The following ESRRG variants were observed in gnomAD, a reference collection of about 807,000 sequenced individuals.
ESRRG encodes estrogen related receptor gamma.
In ESRRG, 13 loss-of-function variants were observed where a neutral mutation model predicts 44.0. The observed-to-expected ratio is 0.30, with a 90% CI of 0.19 to 0.47. The LOEUF is 0.47. Ranked by LOEUF, ESRRG falls within the 20% of genes least tolerant of loss-of-function variation. The pLI is 1.00. For missense variants in ESRRG, 395 were observed against 580.6 expected (o/e 0.68, Z 3.29); for synonymous variants, 215 against 214.6 (o/e 1.00, Z -0.02).
chr1:216,789,424 T>C (rs1404514143), intron 2 of ESRRG, among the ~76,000 whole-genome samples: 1 of 152,154 alleles, frequency 6.6e-6, no homozygotes, highest in Non-Finnish European at 1.5e-5. Context: ...ACTTAAGGCA[T>C]GGATGTTACC....
Position 216,950,124 on chromosome 1 carries a change from T to A in ESRRG, c.-105-10451A>T, listed in dbSNP as rs551195373. 2.0e-5 allele frequency among the ~76,000 whole-genome samples: 3 copies of A among 152,340 alleles called. No individual in the cohort carries two copies. In the South Asian group the frequency reaches 6.2e-4, roughly 32 times the overall value. On this transcript the variant is annotated intron_variant, in intron 1 of 7. Coordinates refer to the ESRRG transcript ENST00000359162. ...CACCACACCCAGCCCTTACTTCTTT[T>A]GAGTTACTTCAGCAAAATGAGGTAT...
At chr1:216,714,996 T>A in intron 1 of ESRRG, 1 of 747,530 alleles carries the variant, frequency 1.3e-6, no homozygotes, top group Non-Finnish European at 1.6e-6. Flanking sequence ...CTTCTGTGCA[T>A]AAATTGTCCA....
chr1:216,590,552 T>C (rs2057473382), intron 3 of ESRRG, among the ~76,000 whole-genome samples: 1 of 152,180 alleles, frequency 6.6e-6, no homozygotes, highest in Non-Finnish European at 1.5e-5. Context: ...TCTACTGAAA[T>C]CTTACACCCT....
chr1:217,023,981 G>A (rs768297703), intron 1 of ESRRG, among the ~76,000 whole-genome samples: 7 of 152,178 alleles, frequency 4.6e-5, no homozygotes, highest in African/African-American at 7.2e-5. Context: ...TCAAGATATC[G>A]TAAACCTAAA....
Position 216,892,268 on chromosome 1 carries a change from T to C in ESRRG, c.-14+47314A>G, listed in dbSNP as rs140099024. Among the ~76,000 whole-genome samples, 503 of 152,326 alleles carry C rather than the reference T, an allele frequency of 3.3e-3. 4 individuals carry two copies. Among genetic ancestry groups the C allele is most frequent in the Middle Eastern group, 0.01 (3 of 294 alleles). On this transcript the variant is annotated intron_variant, in intron 2 of 7. Transcript: ENST00000359162. Reference sequence around the variant, plus strand: ...AAACTCTGATCTTAGAATATGATACTTTAGGGGCAAATATATCAGGCATGC... The same window carrying C: ...AAACTCTGATCTTAGAATATGATACCTTAGGGGCAAATATATCAGGCATGC...
chr1:216,540,270 G>A (rs951566838), intron 5 of ESRRG, among the ~76,000 whole-genome samples: 6 of 151,874 alleles, frequency 4.0e-5, no homozygotes, highest in East Asian at 1.9e-4. Flanking sequence ...GTAAACTTCC[G>A]TACTCTATGC....
At chr1:216,812,047 C>A (rs1012344628) in intron 2 of ESRRG, among the ~76,000 whole-genome samples, 33 of 152,206 alleles carry the variant, frequency 2.2e-4, no homozygotes, top group Non-Finnish European at 3.7e-4. Context: ...TACTGTTTAT[C>A]CATTATATGA....
intron 5 of ESRRG, among the ~76,000 whole-genome samples, chr1:216,547,500 CAATT>C (rs55675032): frequency 0.29 from 43,807 of 151,816 alleles, 7,265 homozygotes; most frequent in Admixed American, 0.39. Flanking sequence ...CTCCCAGGTA[CAATT>C]AATTGTCCAG....
intron 2 of ESRRG, among the ~76,000 whole-genome samples, chr1:216,896,265 G>A (rs2058403930): frequency 6.6e-6 from 1 of 152,130 alleles, no homozygotes; most frequent in Non-Finnish European, 1.5e-5. Flanking sequence ...CCTGAGCATC[G>A]TGATTCAGGG....
chr1:217,125,918 G>GT, intron 1 of ESRRG, among the ~76,000 whole-genome samples: 1 of 152,238 alleles, frequency 6.6e-6, no homozygotes, highest in East Asian at 1.9e-4. Flanking sequence ...CCTCTTGTGG[G>GT]TATTATTGAA....
At chr1:216,902,836 G>T (rs2149497639) in intron 2 of ESRRG, among the ~76,000 whole-genome samples, 1 of 152,300 alleles carries the variant, frequency 6.6e-6, no homozygotes, top group African/African-American at 2.4e-5. Context: ...CATTGGATCT[G>T]CCAGCCTTTT....
At chr1:216,753,188 A>ACAC (rs2092198708) in intron 2 of ESRRG, among the ~76,000 whole-genome samples, 1 of 152,020 alleles carries the variant, frequency 6.6e-6, no homozygotes, top group Non-Finnish European at 1.5e-5. Flanking sequence ...ACACACACAC[A>ACAC]CACACACAGA....
chr1:216,906,570 T>C (rs372210018), intron 2 of ESRRG, among the ~76,000 whole-genome samples: 1 of 152,282 alleles, frequency 6.6e-6, no homozygotes, highest in South Asian at 2.1e-4. Flanking sequence ...AATTGCCTCA[T>C]AGACTCCAAG....
intron 1 of ESRRG, among the ~76,000 whole-genome samples, chr1:216,977,369 C>CAT (rs2073153441): frequency 6.6e-6 from 1 of 151,394 alleles, no homozygotes. Context: ...CACACACACA[C>CAT]ACATATACAT....
chr1:216,651,495 A>G (rs1031876448), intron 2 of ESRRG, among the ~76,000 whole-genome samples: 2 of 152,202 alleles, frequency 1.3e-5, no homozygotes, highest in Admixed American at 6.6e-5. Context: ...ACTTTGGTGC[A>G]TCAGGCTTAT....
intron 4 of ESRRG, among the ~76,000 whole-genome samples, chr1:216,566,694 G>T (rs11572772): frequency 4.6e-5 from 7 of 152,162 alleles, no homozygotes; most frequent in Admixed American, 6.5e-5. Flanking sequence ...TATCAGAGAG[G>T]TTTTTTATTA....
chr1:217,088,024 T>C (rs1249605940), intron 1 of ESRRG, among the ~76,000 whole-genome samples: 1 of 151,824 alleles, frequency 6.6e-6, no homozygotes, highest in Non-Finnish European at 1.5e-5. Flanking sequence ...TTAACTCATT[T>C]TGACAACATC....
intron 1 of ESRRG, among the ~76,000 whole-genome samples, chr1:216,942,520 C>A (rs2065410911): frequency 6.6e-6 from 1 of 152,184 alleles, no homozygotes; most frequent in Non-Finnish European, 1.5e-5. Context: ...AACTAATTTA[C>A]AGTCCCACAA....
rs530642227 is a variant in ESRRG at position 216,703,576 on chromosome 1, A to AT, written c.56+19667dup. ...TTGTTACTAATTCTGTATAAATGTA[A>AT]TTTTTTTTTTGCTTTTTTTTTTAAG... On this transcript the variant is annotated intron_variant, in intron 1 of 6. Transcript: ENST00000408911. 2.5e-3 allele frequency among the ~76,000 whole-genome samples: 364 copies of AT among 146,772 alleles called. 1 individual carries two copies. The highest frequency in any genetic ancestry group is 8.0e-3 in the African/African-American group (318 of 39,816).
Sources: allele counts gnomAD v4.1 joint callset (sites outside exome capture counted in the v4.1 genomes callset), GRCh38; gene constraint gnomAD v4.1.1; transcripts MANE v1.5; gene names NCBI Gene and HGNC (gene_info 2026-07-23, HGNC 2026-07-21).